Variants in LTBP1 observed in about 807,000 individuals in gnomAD.
LTBP1 encodes latent transforming growth factor beta binding protein 1, also known as latent-transforming growth factor beta-binding protein 1.
In LTBP1, 129 loss-of-function variants were observed where a neutral mutation model predicts 207.6. The ratio of observed to expected loss-of-function variants is 0.62; its 90% CI spans 0.54 to 0.72. The LOEUF is 0.72. Among genes scored for constraint, LTBP1 ranks in the 30% least tolerant of loss-of-function variants. LTBP1 has a pLI of 0.00. For missense variants in LTBP1, 2,281 were observed against 2,217.2 expected, an observed-to-expected ratio of 1.03 and a Z score of -0.58; for synonymous variants, 963 against 833.7, an observed-to-expected ratio of 1.16 and a Z score of -2.67.
intron 7 of LTBP1, among the ~76,000 whole-genome samples, chr2:33,213,695 G>A (rs983446921): frequency 9.2e-5 from 14 of 152,150 alleles, no homozygotes; most frequent in Non-Finnish European, 1.2e-4. Flanking sequence ...GCTGCACATC[G>A]AAGCCTCTTC....
At chr2:33,153,589 G>A (rs2083714085) in intron 5 of LTBP1, among the ~76,000 whole-genome samples, 1 of 152,156 alleles carries the variant, frequency 6.6e-6, no homozygotes, top group South Asian at 2.1e-4. Flanking sequence ...GATCTAAATT[G>A]CCTCACTGTG....
chr2:33,305,828 G>A (rs915164319), intron 22 of LTBP1, among the ~76,000 whole-genome samples: 3 of 152,156 alleles, frequency 2.0e-5, no homozygotes, highest in Non-Finnish European at 4.4e-5. Context: ...AGAAGAAAGT[G>A]TTTCAAGGAG....
intron 2 of LTBP1, among the ~76,000 whole-genome samples, chr2:32,974,466 T>C (rs1681403889): frequency 6.6e-6 from 1 of 152,214 alleles, no homozygotes; most frequent in Non-Finnish European, 1.5e-5. Context: ...TTTGAGCTCC[T>C]TACATAGTCT....
chr2:33,249,266 T>A (rs2092609082), intron 10 of LTBP1, among the ~76,000 whole-genome samples: 1 of 151,944 alleles, frequency 6.6e-6, no homozygotes. Flanking sequence ...ATTGGAATGC[T>A]GAGCTTGTGG....
At chr2:33,243,557 A>AGT in intron 9 of LTBP1, 105 bp from the exon 10 acceptor site, 1 of 1,021,232 alleles carries the variant, frequency 9.8e-7, no homozygotes, top group Non-Finnish European at 1.4e-6. Context: ...TTTTCACTAT[A>AGT]ACTAAAAGAT....
chr2:33,182,957 A>G (rs1167241106), intron 5 of LTBP1, among the ~76,000 whole-genome samples: 1 of 109,092 alleles, frequency 9.2e-6, no homozygotes, highest in African/African-American at 3.5e-5. Flanking sequence ...TTAGTACTTG[A>G]TAATTTAAAA....
intron 3 of LTBP1, among the ~76,000 whole-genome samples, chr2:33,105,478 C>G (rs1283505725): frequency 6.6e-6 from 1 of 151,310 alleles, no homozygotes; most frequent in East Asian, 1.9e-4. Flanking sequence ...ACTCTGTTGC[C>G]CAGGCTGGAG....
intron 7 of LTBP1, among the ~76,000 whole-genome samples, chr2:33,203,889 A>G (rs2089596399): frequency 6.6e-6 from 1 of 152,194 alleles, no homozygotes. Flanking sequence ...CATGTTGGAA[A>G]TAGTTTTAAG....
chr2:33,100,534 T>C (rs146467718), intron 3 of LTBP1, among the ~76,000 whole-genome samples: 3 of 152,070 alleles, frequency 2.0e-5, no homozygotes, highest in Non-Finnish European at 2.9e-5. Context: ...TTTTAAAAAA[T>C]TTTTGTAAAG....
chr2:33,156,702 A>G (rs2084005919), intron 5 of LTBP1, among the ~76,000 whole-genome samples: 1 of 150,658 alleles, frequency 6.6e-6, no homozygotes, highest in Admixed American at 6.6e-5. Flanking sequence ...AACTATATAT[A>G]TAACAATTGA....
In LTBP1 at chr2:33,389,097, C is replaced by T. The variant is rs531295784; in HGVS notation, c.4712-87C>T. On this transcript the variant is annotated intron_variant, in intron 31 of 33. Transcript: ENST00000404816. ...AGACACACGTGGAAGGGTGTGCTGG[C>T]AGATTCCCGTTGCTCTGAGCTGCGA... 1.5e-4 allele frequency: 230 copies of T among 1,574,036 alleles called. No homozygotes were observed. In the African/African-American group the frequency reaches 2.8e-3, roughly 19 times the overall value.
chr2:33,328,165 A>ATAAG (rs1427541617), intron 24 of LTBP1, among the ~76,000 whole-genome samples: 1 of 149,692 alleles, frequency 6.7e-6, no homozygotes, highest in African/African-American at 2.5e-5. Flanking sequence ...AAATAAATAA[A>ATAAG]TAAAATAAAA....
intron 3 of LTBP1, among the ~76,000 whole-genome samples, chr2:33,068,215 C>A (rs2077615086): frequency 6.6e-6 from 1 of 151,392 alleles, no homozygotes; most frequent in Non-Finnish European, 1.5e-5. Context: ...TGAATAAATG[C>A]CCAGGAGTGC....
chr2:33,240,631 G>A (rs2092278591), intron 9 of LTBP1, among the ~76,000 whole-genome samples: 1 of 151,006 alleles, frequency 6.6e-6, no homozygotes, highest in African/African-American at 2.4e-5. Flanking sequence ...ACCTTCTCAG[G>A]TGATGGAAAC....
intron 5 of LTBP1, among the ~76,000 whole-genome samples, chr2:33,183,277 C>G (rs1327599891): frequency 6.6e-6 from 1 of 152,136 alleles, no homozygotes; most frequent in Non-Finnish European, 1.5e-5. Flanking sequence ...TTGGCTCATA[C>G]TGTCTTTCGA....
intron 5 of LTBP1, among the ~76,000 whole-genome samples, chr2:33,148,036 A>G (rs150155922): frequency 4.5e-4 from 68 of 152,338 alleles, no homozygotes; most frequent in African/African-American, 1.6e-3. Flanking sequence ...GTTCAATTCC[A>G]TAGTCTGCAC....
At chr2:33,093,217 T>G (rs568687854) in intron 3 of LTBP1, among the ~76,000 whole-genome samples, 1 of 152,360 alleles carries the variant, frequency 6.6e-6, no homozygotes, top group Non-Finnish European at 1.5e-5. Context: ...CTTACATGTA[T>G]TTTCAAGGGG....
chr2:33,244,113 A>G (rs2092429202), intron 10 of LTBP1, among the ~76,000 whole-genome samples: 1 of 152,232 alleles, frequency 6.6e-6, no homozygotes, highest in African/African-American at 2.4e-5. Flanking sequence ...CTGAGAGATG[A>G]CAGTAAGTTT....
chr2:33,015,506 T>G (rs756561603), intron 2 of LTBP1, among the ~76,000 whole-genome samples: 2 of 152,166 alleles, frequency 1.3e-5, no homozygotes, highest in African/African-American at 2.4e-5. Flanking sequence ...CATAAGTCAC[T>G]TAACTGACCT....
Sources: allele counts gnomAD v4.1 joint callset (sites outside exome capture counted in the v4.1 genomes callset), GRCh38; gene constraint gnomAD v4.1.1; transcripts MANE v1.5; gene names NCBI Gene and HGNC (gene_info 2026-07-23, HGNC 2026-07-21).